AKAP13: variants seen among roughly 807,000 people sequenced by gnomAD.
AKAP13 encodes A-kinase anchor protein 13.
In AKAP13, 80 loss-of-function variants were observed where a neutral mutation model predicts 264.5. That is an observed-to-expected ratio of 0.30 (90% confidence interval 0.25 to 0.36). The LOEUF (loss-of-function observed/expected upper bound fraction) is 0.36. Ranked by LOEUF, AKAP13 falls within the 10% of genes least tolerant of loss-of-function variation. The pLI is 1.00. For missense variants in AKAP13, 3,712 were observed against 3,435.2 expected, an observed-to-expected ratio of 1.08 and a Z score of -2.01; for synonymous variants, 1,380 against 1,250.2, an observed-to-expected ratio of 1.10 and a Z score of -2.19.
intron 33 of AKAP13, among the ~76,000 whole-genome samples, chr15:85,736,934 T>C (rs1429093156): frequency 1.4e-5 from 2 of 138,814 alleles, no homozygotes; most frequent in South Asian, 2.3e-4. Flanking sequence ...TTTTTTTTTT[T>C]CTGGGGATGG....
rs192788299 is a variant in AKAP13, at chr15:85,674,251, C to T, written c.5101+4421C>T. ...GTCTGAAATTTCTCAAAATCTGAAA[C>T]GTTCGAGCACCAACATGATGCCACA... is the stretch of plus-strand genomic sequence containing the variant. On this transcript the variant is annotated intron_variant, in intron 14 of 36. Transcript: ENST00000394518. 1.4e-3 allele frequency among the ~76,000 whole-genome samples: 208 copies of T among 152,238 alleles called. 1 individual carries two copies. Among genetic ancestry groups the T allele is most frequent in the Middle Eastern group, 0.01 (3 of 294 alleles).
intron 1 of AKAP13, among the ~76,000 whole-genome samples, chr15:85,459,142 A>G (rs1385458143): frequency 6.6e-6 from 1 of 152,182 alleles, no homozygotes; most frequent in East Asian, 1.9e-4. Flanking sequence ...AGACACCTCA[A>G]AAGTAACACT....
chr15:85,735,477 C>T, intron 31 of AKAP13, 83 bp from the exon 32 acceptor site: 1 of 1,422,016 alleles, frequency 7.0e-7, no homozygotes, highest in South Asian at 1.3e-5. Context: ...ATACTACATC[C>T]CCAAGATGCC....
At chr15:85,519,159 G>A (rs993331342) in intron 2 of AKAP13, among the ~76,000 whole-genome samples, 74 of 152,096 alleles carry the variant, frequency 4.9e-4, no homozygotes, top group African/African-American at 1.7e-3. Flanking sequence ...AAGTTCTCAC[G>A]TAATCATTAC....
At chr15:85,493,053 G>C (rs2075775617) in intron 2 of AKAP13, among the ~76,000 whole-genome samples, 3 of 152,194 alleles carry the variant, frequency 2.0e-5, no homozygotes, top group Admixed American at 6.5e-5. Flanking sequence ...GGGTACCCTT[G>C]TTCTGCGCAA....
chr15:85,395,417 C>T (rs1383852152), intron 1 of AKAP13, among the ~76,000 whole-genome samples: 1 of 152,070 alleles, frequency 6.6e-6, no homozygotes, highest in Non-Finnish European at 1.5e-5. Flanking sequence ...ACATGAAATA[C>T]ACCCAGGTTT....
Position 85,586,929 on chromosome 15 carries a change from A to G in AKAP13, c.4161+1106A>G, listed in dbSNP as rs79337920. On this transcript the variant is annotated intron_variant, in intron 8 of 36. Coordinates refer to ENST00000394518, the MANE Select transcript of AKAP13 (RefSeq NM_007200.5). ...GGCGACAGAGCACGACACCTTCTCA[A>G]AAAAAAAAAAATAAGAGAATAAAAG... Among the ~76,000 whole-genome samples, 41 of 84,124 alleles carry G rather than the reference A, an allele frequency of 4.9e-4. 1 individual carries two copies. The East Asian group carries it at 0.013, about 26-fold the overall frequency. The allele number at this position is 84,124 out of a possible 152,430, so 55.2% of individuals were successfully genotyped here.
At chr15:85,401,859 A>G (rs2071433821) in intron 1 of AKAP13, among the ~76,000 whole-genome samples, 1 of 152,232 alleles carries the variant, frequency 6.6e-6, no homozygotes. Context: ...TAAGAGAATG[A>G]GTAACAAGAC....
chr15:85,576,535 TG>T (rs918490375), intron 6 of AKAP13, among the ~76,000 whole-genome samples: 1 of 151,082 alleles, frequency 6.6e-6, no homozygotes, highest in Non-Finnish European at 1.5e-5. Context: ...GCATAACATC[TG>T]AAAGGCTGTG....
chr15:85,560,162 A>G (rs1167412427), intron 5 of AKAP13, among the ~76,000 whole-genome samples: 1 of 150,072 alleles, frequency 6.7e-6, no homozygotes, highest in Non-Finnish European at 1.5e-5. Context: ...AAAAAACAGT[A>G]AAAATAAAAT....
chr15:85,723,933 G>A (rs140589158), intron 26 of AKAP13, among the ~76,000 whole-genome samples: 251 of 152,234 alleles, frequency 1.6e-3, no homozygotes, highest in Middle Eastern at 6.8e-3. Flanking sequence ...ATAGTCAGCC[G>A]TATCAAGTTA....
At chr15:85,414,721 G>A (rs1028717126) in intron 1 of AKAP13, among the ~76,000 whole-genome samples, 3 of 152,168 alleles carry the variant, frequency 2.0e-5, no homozygotes, top group Admixed American at 6.5e-5. Context: ...TAGTTAATTT[G>A]TTCTTGTTTC....
intron 5 of AKAP13, among the ~76,000 whole-genome samples, chr15:85,550,742 G>C (rs758486697): frequency 6.6e-6 from 1 of 152,182 alleles, no homozygotes; most frequent in African/African-American, 2.4e-5. Context: ...GGCAGGATTT[G>C]GGATAACTTG....
intron 1 of AKAP13, among the ~76,000 whole-genome samples, chr15:85,391,131 G>A (rs2070834347): frequency 6.6e-6 from 1 of 152,192 alleles, no homozygotes; most frequent in Admixed American, 6.5e-5. Context: ...CCACCACTAT[G>A]TATAGTAACT....
At chr15:85,419,122 A>G (rs779443033) in intron 1 of AKAP13, among the ~76,000 whole-genome samples, 19 of 152,224 alleles carry the variant, frequency 1.2e-4, no homozygotes, top group Non-Finnish European at 1.9e-4. Context: ...ATATTTTTGA[A>G]CATTCCACAG....
chr15:85,559,239 A>G (rs553199141), intron 5 of AKAP13, among the ~76,000 whole-genome samples: 1 of 152,190 alleles, frequency 6.6e-6, no homozygotes, highest in South Asian at 2.1e-4. Context: ...GTAAGCCAAT[A>G]ACTGTCATGG....
intron 1 of AKAP13, among the ~76,000 whole-genome samples, chr15:85,472,785 G>C (rs2075006763): frequency 1.3e-5 from 2 of 152,310 alleles, no homozygotes; most frequent in Admixed American, 1.3e-4. Flanking sequence ...CAGACCTGGT[G>C]CTTTAAAACA....
At chr15:85,720,678 G>T (rs537271596) in intron 23 of AKAP13, among the ~76,000 whole-genome samples, 1 of 152,348 alleles carries the variant, frequency 6.6e-6, no homozygotes, top group East Asian at 1.9e-4. Context: ...ATCTGCTGCT[G>T]TGTAGAAGCA....
chr15:85,427,665 A>C (rs1567051329), intron 1 of AKAP13, among the ~76,000 whole-genome samples: 1 of 152,230 alleles, frequency 6.6e-6, no homozygotes, highest in Non-Finnish European at 1.5e-5. Context: ...CCAAAGAGGC[A>C]ACTCTGATGA....
Sources: gnomAD v4.1 joint callset for allele counts (sites outside exome capture counted in the v4.1 genomes callset) on GRCh38, gnomAD v4.1.1 for gene constraint, MANE v1.5 for transcripts, NCBI Gene and HGNC (gene_info 2026-07-23, HGNC 2026-07-21) for gene names.